RBM47: variants seen among roughly 807,000 people sequenced by gnomAD.
The protein encoded by RBM47 is RNA binding motif protein 47.
RBM47 carries 21 observed loss-of-function variants against 47.1 expected under a neutral mutation model. The observed-to-expected ratio is 0.45, with a 90% CI of 0.32 to 0.64. The LOEUF is 0.64. RBM47 is among the 30% of genes least tolerant of loss of function. The probability of loss-of-function intolerance (pLI) is 0.05; values close to 1 mark genes in which losing one functional copy is unlikely to be tolerated. For missense variants in RBM47, 708 were observed against 870.9 expected (o/e 0.81, Z 2.35); for synonymous variants, 375 against 361.7 (o/e 1.04, Z -0.42).
chr4:40,477,772 C>T (rs1376880214), intron 2 of RBM47, among the ~76,000 whole-genome samples: 2 of 151,956 alleles, frequency 1.3e-5, no homozygotes, highest in African/African-American at 4.8e-5. Flanking sequence ...TTATGGGCTG[C>T]CCTAAATAAA....
intron 2 of RBM47, among the ~76,000 whole-genome samples, chr4:40,538,177 A>G (rs1230251688): frequency 1.3e-5 from 2 of 152,178 alleles, no homozygotes; most frequent in African/African-American, 4.8e-5. Flanking sequence ...ATCAGGCAGA[A>G]GGAAAGAAAA....
Position 40,436,584 on chromosome 4 carries a change from G to A in RBM47, c.1187C>T (p.Ser396Phe). The change falls in exon 5 of 7, where the codon TCC (serine) becomes TTC (phenylalanine). Residue 396 changes from serine to phenylalanine, a missense_variant. Physicochemically the swap from Ser to Phe is radical, Grantham distance 155. Transcript: ENST00000295971. ...AGNRAPGPRG[S>F]YLGGYSAGRG... ...ACCAGCAGAATATCCCCCGAGGTAG[G>A]AACCCCTAGGCCCTGGGGCTCTGTT... is the stretch of plus-strand genomic sequence containing the variant. 4 of 1,614,154 alleles carry A rather than the reference G, an allele frequency of 2.5e-6. No individual in the cohort carries two copies. The highest frequency in any genetic ancestry group is 3.4e-6 in the Non-Finnish European group (4 of 1,180,044).
intron 1 of RBM47, among the ~76,000 whole-genome samples, chr4:40,626,147 TATG>T (rs1737714350): frequency 6.6e-6 from 1 of 152,200 alleles, no homozygotes. Flanking sequence ...ACTAAGTTCC[TATG>T]ATGACAAAAA....
chr4:40,430,197 A>C (rs1252745744), intron 6 of RBM47, among the ~76,000 whole-genome samples: 1 of 150,116 alleles, frequency 6.7e-6, no homozygotes, highest in East Asian at 2.0e-4. Context: ...ACCGTCGCAA[A>C]AAACAAACAA....
intron 1 of RBM47, among the ~76,000 whole-genome samples, chr4:40,598,758 A>G (rs1458611812): frequency 6.6e-6 from 1 of 151,906 alleles, no homozygotes; most frequent in Non-Finnish European, 1.5e-5. Context: ...GGGTTTCTAC[A>G]TTCTATATTC....
rs79273979 is a variant in RBM47 at position 40,505,027 on chromosome 4, A to G, written c.-154-38328T>C. Among the ~76,000 whole-genome samples the G allele has an allele frequency of 8.9e-4, 135 of 152,294 alleles. 1 individual carries two copies. The East Asian group carries it at 0.023, about 26-fold the overall frequency. ...GCAAAGATAAAGATTTTTATCTTTAAAAGATGCTGGGCTATCAGTTAGGCA... is the reference window on the plus strand; with the variant it reads ...GCAAAGATAAAGATTTTTATCTTTAGAAGATGCTGGGCTATCAGTTAGGCA... On this transcript the variant is annotated intron_variant, in intron 2 of 6. Transcript: ENST00000295971.
intron 2 of RBM47, among the ~76,000 whole-genome samples, chr4:40,526,862 A>G (rs1726771695): frequency 6.9e-6 from 1 of 145,848 alleles, no homozygotes. Context: ...AGGGCCACAC[A>G]TAAACAGACA....
At chr4:40,506,965 T>A (rs1724178541) in intron 2 of RBM47, among the ~76,000 whole-genome samples, 1 of 150,160 alleles carries the variant, frequency 6.7e-6, no homozygotes, top group Non-Finnish European at 1.5e-5. Context: ...TGAAACCCCA[T>A]CTCTACCAAA....
chr4:40,473,012 C>A (rs4861158), intron 2 of RBM47, among the ~76,000 whole-genome samples: 1 of 152,102 alleles, frequency 6.6e-6, no homozygotes, highest in East Asian at 1.9e-4. Flanking sequence ...CCACATCCAA[C>A]GATGTCCCTC....
intron 3 of RBM47, among the ~76,000 whole-genome samples, chr4:40,445,332 G>A (rs1362020443): frequency 1.3e-5 from 2 of 151,082 alleles, no homozygotes; most frequent in Admixed American, 1.3e-4. Context: ...CTTCCAAGCT[G>A]TTTTCCGTTT....
chr4:40,444,527 T>TA lies in RBM47; in HGVS notation c.-31-5604dup, dbSNP rs777371612. Among the ~76,000 whole-genome samples the TA allele has an allele frequency of 1.3e-4, 20 of 152,294 alleles. No homozygotes were observed. The East Asian group carries it at 3.7e-3, about 28-fold the overall frequency. ...TGTGGCTCATAAAGCCTAAGGTATT[T>TA]ACTCTCCGGCTCTGTTGACCCCTGG... On this transcript the variant is annotated intron_variant, in intron 3 of 6. Coordinates refer to ENST00000295971, the MANE Select transcript of RBM47 (RefSeq NM_001098634.2).
intron 1 of RBM47, among the ~76,000 whole-genome samples, chr4:40,582,473 G>A (rs1202963773): frequency 6.6e-6 from 1 of 152,204 alleles, no homozygotes; most frequent in Non-Finnish European, 1.5e-5. Context: ...GGTGGAGGGT[G>A]CAGTGAGCCG....
intron 1 of RBM47, among the ~76,000 whole-genome samples, chr4:40,549,821 C>A (rs780741087): frequency 6.6e-6 from 1 of 152,110 alleles, no homozygotes; most frequent in Non-Finnish European, 1.5e-5. Flanking sequence ...GCTGGTATTA[C>A]AGGCGTGTGC....
At chr4:40,618,680 G>A (rs751780921) in intron 1 of RBM47, among the ~76,000 whole-genome samples, 5 of 151,198 alleles carry the variant, frequency 3.3e-5, no homozygotes, top group Non-Finnish European at 5.9e-5. Context: ...ATGGTGGCGC[G>A]CGCCTGTAAT....
intron 2 of RBM47, among the ~76,000 whole-genome samples, chr4:40,471,080 A>C (rs1383285365): frequency 2.0e-5 from 3 of 152,090 alleles, no homozygotes; most frequent in Non-Finnish European, 1.5e-5. Flanking sequence ...CCCTCACCCA[A>C]GGATGCTAGT....
chr4:40,546,200 G>T (rs1330366471), intron 1 of RBM47, among the ~76,000 whole-genome samples: 1 of 151,676 alleles, frequency 6.6e-6, no homozygotes, highest in African/African-American at 2.4e-5. Context: ...ACCCAGGCTG[G>T]AGTGCAGTGG....
intron 2 of RBM47, among the ~76,000 whole-genome samples, chr4:40,492,825 G>A (rs1345348250): frequency 3.9e-5 from 6 of 152,116 alleles, no homozygotes; most frequent in African/African-American, 1.4e-4. Context: ...GCAGTGTGAT[G>A]AGGATGGGAA....
chr4:40,482,980 T>C (rs564576637), intron 2 of RBM47, among the ~76,000 whole-genome samples: 7 of 152,298 alleles, frequency 4.6e-5, no homozygotes, highest in Middle Eastern at 6.8e-3. Context: ...ATGGAAATAA[T>C]TGAAATCATT....
At chr4:40,545,048 CTTTT>C (rs532170715) in intron 1 of RBM47, among the ~76,000 whole-genome samples, 100 of 114,224 alleles carry the variant, frequency 8.8e-4, no homozygotes, top group Admixed American at 4.5e-3. Flanking sequence ...GAGTGAGATC[CTTTT>C]TTTTTTTTTT....
Sources: gnomAD v4.1 joint callset for allele counts (sites outside exome capture counted in the v4.1 genomes callset) on GRCh38, gnomAD v4.1.1 for gene constraint, MANE v1.5 for transcripts, NCBI Gene and HGNC (gene_info 2026-07-23, HGNC 2026-07-21) for gene names.